DBNDD1: variants seen among roughly 807,000 people sequenced by gnomAD.
The protein encoded by DBNDD1 is dysbindin domain containing 1.
DBNDD1 carries 14 observed loss-of-function variants against 17.0 expected under a neutral mutation model. The ratio of observed to expected loss-of-function variants is 0.82; its 90% CI spans 0.54 to 1.29. The LOEUF is 1.29. Ranked by LOEUF, DBNDD1 falls within the 50% of genes most tolerant of loss-of-function variation. The pLI is 0.00. For synonymous variants in DBNDD1, 105 were observed against 102.0 expected, an observed-to-expected ratio of 1.03 and a Z score of -0.18; for missense variants, 221 against 216.2, an observed-to-expected ratio of 1.02 and a Z score of -0.14.
At chr16:90,014,233 C>T (rs1485679849) in intron 1 of DBNDD1, among the ~76,000 whole-genome samples, 4 of 151,886 alleles carry the variant, frequency 2.6e-5, no homozygotes, top group South Asian at 2.1e-4. Context: ...TTCAAGGGAT[C>T]CTCTTGCCTC....
chr16:90,012,696 T>C (rs912157554), intron 1 of DBNDD1, among the ~76,000 whole-genome samples: 7 of 151,730 alleles, frequency 4.6e-5, no homozygotes, highest in Admixed American at 1.3e-4. Flanking sequence ...TGACCTCAGG[T>C]GATCCGTCTG....
At chr16:90,009,798 G>A in intron 1 of DBNDD1, 6 of 767,692 alleles carry the variant, frequency 7.8e-6, no homozygotes, top group South Asian at 3.8e-5. Flanking sequence ...CTCGGCCCAG[G>A]GTCCCCTGAA....
intron 3 of DBNDD1, chr16:90,006,702 C>A: frequency 3.1e-6 from 2 of 653,686 alleles, no homozygotes; most frequent in Admixed American, 5.9e-5. Flanking sequence ...TGGGTGGGGC[C>A]TGGGCAGGGT....
intron 1 of DBNDD1, among the ~76,000 whole-genome samples, chr16:90,017,494 CA>C (rs57236541): frequency 0.32 from 46,729 of 144,064 alleles, 7,326 homozygotes; most frequent in South Asian, 0.43. Flanking sequence ...GACTCCGTCT[CA>C]AAAAAAAAAA....
chr16:90,009,792 G>T, intron 1 of DBNDD1: 1 of 752,546 alleles, frequency 1.3e-6, no homozygotes, highest in Non-Finnish European at 2.1e-6. Flanking sequence ...TTCTAGCTCG[G>T]CCCAGGGTCC....
chr16:90,009,059 C>G, intron 2 of DBNDD1, 135 bp from the exon 3 acceptor site: 1 of 1,277,040 alleles, frequency 7.8e-7, no homozygotes, highest in Non-Finnish European at 1.0e-6. Context: ...AAAGCCCACA[C>G]CGGCAGGATC....
intron 1 of DBNDD1, chr16:90,009,926 A>C: frequency 6.3e-7 from 1 of 1,598,218 alleles, no homozygotes; most frequent in Non-Finnish European, 8.6e-7. Flanking sequence ...AGTTCAGAAT[A>C]ATACATTCTC....
chr16:90,019,715 C>T, upstream of DBNDD1: 2 of 626,192 alleles, frequency 3.2e-6, no homozygotes, highest in South Asian at 3.4e-5. This position sits in a 1 kb window ranked among gnomAD's most constrained non-coding sequence, Gnocchi z 6.1. Flanking sequence ...GTCCGGGGCT[C>T]CTGCGCACTC....
At chr16:90,008,000 G>A in intron 3 of DBNDD1, among the ~76,000 whole-genome samples, 1 of 149,844 alleles carries the variant, frequency 6.7e-6, no homozygotes, top group Admixed American at 6.6e-5. Flanking sequence ...CGTCCCAAGG[G>A]GCCTCACCCC....
At position 90,005,429 on chromosome 16, in the gene DBNDD1, C is replaced by T. The variant is rs1567830696; in HGVS notation, c.*906G>A. ...GGCCTGTCAGCCTCCTCTGCTGCTC[C>T]TGGACAGAGACCCACGGGGTCCCAT... On this transcript the variant is annotated 3_prime_UTR_variant, in exon 4 of 4. Coordinates refer to ENST00000002501, the MANE Select transcript of DBNDD1 (RefSeq NM_001042610.3). The T allele has an allele frequency of 1.3e-5, 2 of 152,234 alleles. No individual in the cohort carries two copies. The highest frequency in any genetic ancestry group is 1.9e-4 in the East Asian group (1 of 5,186). The allele number at this position is 152,234 out of a possible 1,614,324, so 9.4% of individuals were successfully genotyped here.
Position 90,010,822 on chromosome 16 carries a change from C to T in DBNDD1, c.32-1392G>A, listed in dbSNP as rs577057034. ...TAGCGGCCACCTCACTTGCCTCAGGCAGCCAGTGAGTCCTGTTAGTCAGAG... is the reference window on the plus strand; with the variant it reads ...TAGCGGCCACCTCACTTGCCTCAGGTAGCCAGTGAGTCCTGTTAGTCAGAG... On this transcript the variant is annotated intron_variant, in intron 1 of 3. Transcript: ENST00000002501. 7.5e-4 allele frequency among the ~76,000 whole-genome samples: 114 copies of T among 152,338 alleles called. 1 individual carries two copies. Among genetic ancestry groups the T allele is most frequent in the African/African-American group, 2.5e-3 (104 of 41,594 alleles).
chr16:90,009,861 C>T lies in DBNDD1; in HGVS notation c.32-431G>A, dbSNP rs972635922. The T allele has an allele frequency of 4.1e-6, 5 of 1,208,216 alleles. No homozygotes were observed. The Admixed American group carries it at 8.0e-5, about 19-fold the overall frequency. The allele number at this position is 1,208,216 out of a possible 1,614,324, so 74.8% of individuals were successfully genotyped here. A position where few individuals can be genotyped will look rare whatever the true frequency, so the allele number is the denominator to read the frequency against. The stretch of plus-strand genomic sequence containing the variant: ...CCTCTTGGTCCCCTTCAAACCAGAA[C>T]AGCCCCTCTCCACTGTGGACTGACT... On this transcript the variant is annotated intron_variant, in intron 1 of 3. Coordinates refer to ENST00000002501, the MANE Select transcript of DBNDD1 (RefSeq NM_001042610.3).
At chr16:90,013,284 G>A (rs1319863466) in intron 1 of DBNDD1, among the ~76,000 whole-genome samples, 1,052 of 25,290 alleles carry the variant, frequency 0.042, 3 homozygotes, top group Non-Finnish European at 0.074. Context: ...AAAAAAAAAA[G>A]ACAGTGGCTT....
At chr16:90,015,532 T>G (rs892452076) in intron 1 of DBNDD1, among the ~76,000 whole-genome samples, 1 of 152,196 alleles carries the variant, frequency 6.6e-6, no homozygotes, top group Non-Finnish European at 1.5e-5. Flanking sequence ...CCCCTAACAC[T>G]TAACGTTGTT....
At chr16:90,019,669 C>T (rs1031098365), upstream of DBNDD1, 5 of 521,848 alleles carry the variant, frequency 9.6e-6, no homozygotes, top group South Asian at 7.4e-5. The surrounding 1 kb of genome is among the most constrained non-coding windows in gnomAD (Gnocchi z 6.1). Context: ...CGGACACCAC[C>T]GGGACCTGGC....
At chr16:90,012,578 G>C (rs1567834871) in intron 1 of DBNDD1, among the ~76,000 whole-genome samples, 1 of 151,782 alleles carries the variant, frequency 6.6e-6, no homozygotes, top group Non-Finnish European at 1.5e-5. Flanking sequence ...TCCTGCGTCA[G>C]CCTTCCGAGT....
chr16:90,017,127 G>A (rs950622504), intron 1 of DBNDD1, among the ~76,000 whole-genome samples: 6 of 152,238 alleles, frequency 3.9e-5, no homozygotes, highest in Admixed American at 3.3e-4. Context: ...GTGCACCTCC[G>A]TGTTCTGTAC....
At chr16:90,009,801 C>T (rs992555786) in intron 1 of DBNDD1, 1 of 775,336 alleles carries the variant, frequency 1.3e-6, no homozygotes, top group Non-Finnish European at 2.1e-6. Flanking sequence ...GGCCCAGGGT[C>T]CCCTGAAGGA....
Position 90,019,289 on chromosome 16 carries a change from CGG to C in DBNDD1, c.31+20_31+21del. 1 of 1,173,158 alleles carries C rather than the reference CGG, an allele frequency of 8.5e-7. No homozygotes were observed. The highest frequency in any genetic ancestry group is 3.3e-5 in the East Asian group (1 of 30,058). The allele number at this position is 1,173,158 out of a possible 1,614,324, so 72.7% of individuals were successfully genotyped here. On this transcript the variant is annotated intron_variant, in intron 1 of 3. Coordinates refer to ENST00000002501, the MANE Select transcript of DBNDD1 (RefSeq NM_001042610.3). The surrounding 1 kb of genome is among the most constrained non-coding windows in gnomAD (Gnocchi z 6.1). ...GCGGGGAAGCGCTGCGCGGGGGTCT[CGG>C]GGGCTGGGGCTGAACTCACCTCCGG...
Sources: allele counts gnomAD v4.1 joint callset (sites outside exome capture counted in the v4.1 genomes callset), GRCh38; gene constraint gnomAD v4.1.1; non-coding constraint Gnocchi (gnomAD v3.1); transcripts MANE v1.5; gene names NCBI Gene and HGNC (gene_info 2026-07-23, HGNC 2026-07-21).